Variants in ZNF609 observed in about 807,000 individuals in gnomAD.
ZNF609 encodes the protein zinc finger protein 609.
A neutral mutation model predicts 109.5 loss-of-function variants in ZNF609; 11 were observed. The ratio of observed to expected loss-of-function variants is 0.10; its 90% CI spans 0.06 to 0.17. The LOEUF is 0.17. Among genes scored for constraint, ZNF609 ranks in the 10% least tolerant of loss-of-function variants. ZNF609 has a pLI of 1.00. For missense variants in ZNF609, 1,559 were observed against 1,772.4 expected (o/e 0.88, Z 2.16); for synonymous variants, 646 against 662.0 (o/e 0.98, Z 0.37).
At chr15:64,619,524 C>T (rs1895847870) in intron 2 of ZNF609, among the ~76,000 whole-genome samples, 1 of 152,162 alleles carries the variant, frequency 6.6e-6, no homozygotes, top group Non-Finnish European at 1.5e-5. Flanking sequence ...TGTGATCTCT[C>T]CTTAGATTTC....
intron 3 of ZNF609, among the ~76,000 whole-genome samples, chr15:64,645,547 T>C (rs1896323412): frequency 6.6e-6 from 1 of 152,132 alleles, no homozygotes; most frequent in South Asian, 2.1e-4. Flanking sequence ...TAAATTGGAT[T>C]TCATCAAAAC....
chr15:64,598,490 AT>A (rs934307607), intron 2 of ZNF609, among the ~76,000 whole-genome samples: 2 of 151,964 alleles, frequency 1.3e-5, no homozygotes, highest in East Asian at 1.9e-4. Context: ...TTTATCTTTA[AT>A]TTTTTAATTT....
intron 1 of ZNF609, among the ~76,000 whole-genome samples, chr15:64,495,742 T>A (rs1273107410): frequency 6.6e-6 from 1 of 151,134 alleles, no homozygotes; most frequent in Non-Finnish European, 1.5e-5. Flanking sequence ...ATTTTTTGTT[T>A]CCTTGTATCT....
At chr15:64,567,446 G>A (rs998849561) in intron 2 of ZNF609, among the ~76,000 whole-genome samples, 4 of 151,366 alleles carry the variant, frequency 2.6e-5, no homozygotes, top group Admixed American at 2.6e-4. Flanking sequence ...TCACACCACT[G>A]CACTCTAGCC....
intron 2 of ZNF609, among the ~76,000 whole-genome samples, chr15:64,555,444 A>G (rs1202955149): frequency 6.6e-6 from 1 of 152,090 alleles, no homozygotes; most frequent in East Asian, 1.9e-4. Flanking sequence ...CGTGTGGATC[A>G]CTTGAGGCCA....
chr15:64,670,290 T>A, intron 3 of ZNF609, 56 bp from the exon 4 acceptor site: 6 of 1,416,424 alleles, frequency 4.2e-6, no homozygotes, highest in Admixed American at 3.4e-5. Context: ...AAGAATACTA[T>A]TCTCAGTGGC....
chr15:64,670,739 A>G (rs1331640027), intron 4 of ZNF609, among the ~76,000 whole-genome samples: 2 of 151,738 alleles, frequency 1.3e-5, no homozygotes, highest in African/African-American at 2.4e-5. Flanking sequence ...TTAGCCAGGC[A>G]TGGTGGTGCA....
intron 3 of ZNF609, among the ~76,000 whole-genome samples, chr15:64,668,426 A>C (rs577227081): frequency 6.6e-6 from 1 of 152,194 alleles, no homozygotes; most frequent in African/African-American, 2.4e-5. Context: ...TTTGTCTCTA[A>C]TATCCCAGAC....
At chr15:64,525,925 A>G (rs2140367908) in intron 2 of ZNF609, among the ~76,000 whole-genome samples, 1 of 152,034 alleles carries the variant, frequency 6.6e-6, no homozygotes, top group African/African-American at 2.4e-5. Context: ...AATAACTGGG[A>G]CTACAGGTGC....
intron 3 of ZNF609, among the ~76,000 whole-genome samples, chr15:64,666,829 T>A (rs1896655732): frequency 6.7e-6 from 1 of 149,492 alleles, no homozygotes; most frequent in African/African-American, 2.4e-5. Context: ...CCTATATTTT[T>A]AAAAATCTAA....
chr15:64,631,179 G>A, intron 3 of ZNF609: 1 of 613,070 alleles, frequency 1.6e-6, no homozygotes, highest in Non-Finnish European at 3.1e-6. Flanking sequence ...CACAAAGTGT[G>A]CTTCTCTGGG....
In ZNF609 at chr15:64,683,269, T is replaced by A. The variant is rs569409783; in HGVS notation, c.*1583T>A. The stretch of plus-strand genomic sequence containing the variant: ...TGGAAAAGGGAGTGTGTGACCAGAG[T>A]GCCAAAAGTGACTAGGAGCAGGAAC... On this transcript the variant is annotated 3_prime_UTR_variant, in exon 10 of 10. Coordinates refer to ENST00000326648, the MANE Select transcript of ZNF609 (RefSeq NM_015042.2). The A allele has an allele frequency of 6.6e-6, 1 of 152,284 alleles. No individual in the cohort carries two copies. The highest frequency in any genetic ancestry group is 1.9e-4 in the East Asian group (1 of 5,154). The allele number at this position is 152,284 out of a possible 1,614,324, so 9.4% of individuals were successfully genotyped here.
chr15:64,599,855 T>C (rs1483205387), intron 2 of ZNF609, among the ~76,000 whole-genome samples: 3 of 152,216 alleles, frequency 2.0e-5, no homozygotes, highest in Non-Finnish European at 4.4e-5. Flanking sequence ...AGGCTGTTCC[T>C]TCTGCCTGGA....
At chr15:64,651,043 T>C (rs1430498398) in intron 3 of ZNF609, among the ~76,000 whole-genome samples, 1 of 152,142 alleles carries the variant, frequency 6.6e-6, no homozygotes, top group African/African-American at 2.4e-5. Context: ...AGTAATAGTT[T>C]TGAGGCAACT....
intron 2 of ZNF609, among the ~76,000 whole-genome samples, chr15:64,616,219 C>G (rs1895795490): frequency 6.6e-6 from 1 of 151,900 alleles, no homozygotes; most frequent in South Asian, 2.1e-4. Context: ...GTCTAGAACT[C>G]CTCAGCTCAA....
At chr15:64,593,289 C>T (rs1473990339) in intron 2 of ZNF609, 40 of 1,480,152 alleles carry the variant, frequency 2.7e-5, no homozygotes, top group South Asian at 4.5e-5. Context: ...TTTAGACCTG[C>T]GGGTGCTGCC....
chr15:64,469,978 A>C (rs1002338100), intron 1 of ZNF609, among the ~76,000 whole-genome samples: 3 of 152,234 alleles, frequency 2.0e-5, no homozygotes, highest in African/African-American at 7.2e-5. Context: ...TGGACTGATT[A>C]TGGAGGTTAG....
intron 1 of ZNF609, among the ~76,000 whole-genome samples, chr15:64,472,353 A>C (rs1036196864): frequency 1.3e-4 from 20 of 152,190 alleles, no homozygotes; most frequent in African/African-American, 4.8e-4. Context: ...GTTAGTCCAT[A>C]TTGCATGCTG....
At chr15:64,516,995 T>G (rs1893821497) in intron 2 of ZNF609, among the ~76,000 whole-genome samples, 2 of 152,208 alleles carry the variant, frequency 1.3e-5, no homozygotes, top group South Asian at 4.1e-4. Context: ...CGGAAACTTT[T>G]TACTTGATAA....
Sources: allele counts gnomAD v4.1 joint callset (sites outside exome capture counted in the v4.1 genomes callset), GRCh38; gene constraint gnomAD v4.1.1; transcripts MANE v1.5; gene names NCBI Gene and HGNC (gene_info 2026-07-23, HGNC 2026-07-21).